The following CDS2 variants were observed in gnomAD, a reference collection of about 807,000 sequenced individuals.
CDS2 encodes CDP-diacylglycerol synthase 2, also known as phosphatidate cytidylyltransferase 2.
CDS2 carries 47 observed loss-of-function variants against 59.0 expected under a neutral mutation model. The observed-to-expected ratio is 0.80, with a 90% CI of 0.63 to 1.02. The LOEUF is 1.02. CDS2 is among the 50% of genes least tolerant of loss of function. The pLI, the probability that CDS2 is intolerant of heterozygous loss-of-function variation, is 0.00. For missense variants in CDS2, 356 were observed against 558.9 expected (o/e 0.64, Z 3.66); for synonymous variants, 207 against 206.4 (o/e 1.00, Z -0.02).
At chr20:5,147,906 G>A (rs575402557) in intron 1 of CDS2, among the ~76,000 whole-genome samples, 1 of 152,116 alleles carries the variant, frequency 6.6e-6, no homozygotes, top group Non-Finnish European at 1.5e-5. Flanking sequence ...CTCATTGTCT[G>A]ATTTGTGTCT....
At chr20:5,183,208 C>G in intron 7 of CDS2, 65 bp downstream of exon 7, 5 of 1,380,200 alleles carry the variant, frequency 3.6e-6, no homozygotes, top group Non-Finnish European at 5.1e-6. Context: ...AGATACCCCC[C>G]TCTAAGCCAG....
chr20:5,186,934 T>G, intron 10 of CDS2, 95 bp downstream of exon 10: 1 of 1,376,268 alleles, frequency 7.3e-7, no homozygotes, highest in Non-Finnish European at 1.0e-6. Context: ...AAAGCTAGCT[T>G]CCTCCTTCCC....
chr20:5,188,055 C>CGTGTGTGTGT lies in CDS2; in HGVS notation c.982-995_982-986dup, dbSNP rs71332879. Among the ~76,000 whole-genome samples the CGTGTGTGTGT allele has an allele frequency of 4.2e-3, 629 of 148,894 alleles. 3 individuals carry two copies. The highest frequency in any genetic ancestry group is 0.015 in the African/African-American group (603 of 40,522). ...GAGGTCTGTGATGATTCTTAACGTA[C>CGTGTGTGTGT]GTGTGTGTGTGTGTGTGTGTGTGTG... On this transcript the variant is annotated intron_variant, in intron 10 of 12. Coordinates refer to ENST00000460006, the MANE Select transcript of CDS2 (RefSeq NM_003818.4).
At chr20:5,187,125 A>C in intron 10 of CDS2, 1 of 362,580 alleles carries the variant, frequency 2.8e-6, no homozygotes, top group South Asian at 3.7e-5. Flanking sequence ...CTGTGAGGTC[A>C]CAACTGTTTC....
chr20:5,178,614 T>C (rs1310650099), intron 4 of CDS2, among the ~76,000 whole-genome samples: 2 of 152,110 alleles, frequency 1.3e-5, no homozygotes, highest in Non-Finnish European at 2.9e-5. Flanking sequence ...TGAAAGCTGC[T>C]GTCTGTTTCT....
rs149512070 is a variant in CDS2, at chr20:5,136,438, G to A, written c.57+9289G>A. On this transcript the variant is annotated intron_variant, in intron 1 of 12. Transcript: ENST00000460006. Reference sequence around the variant, plus strand: ...CTTATCTGTTTGTTGTTTGTTGTCTGTTTGTTGCTCTTGGAGACTTCAACA... The same window carrying A: ...CTTATCTGTTTGTTGTTTGTTGTCTATTTGTTGCTCTTGGAGACTTCAACA... Among the ~76,000 whole-genome samples the A allele has an allele frequency of 2.6e-5, 4 of 152,304 alleles. No individual in the cohort carries two copies. The East Asian group carries it at 7.7e-4, about 29-fold the overall frequency.
At chr20:5,137,480 T>A (rs1209613349) in intron 1 of CDS2, among the ~76,000 whole-genome samples, 5 of 150,790 alleles carry the variant, frequency 3.3e-5, no homozygotes, top group African/African-American at 1.2e-4. Flanking sequence ...TGACCTCAAG[T>A]GATCTGCCCG....
Position 5,184,988 on chromosome 20 carries a change from G to A in CDS2, c.759+43G>A. 3.6e-6 allele frequency: 5 copies of A among 1,392,636 alleles called. No homozygotes were observed. Among genetic ancestry groups the A allele is most frequent in the Non-Finnish European group, 4.1e-6 (4 of 978,162 alleles). 86.3% of individuals were successfully genotyped at this position (1,392,636 alleles called of 1,614,324 possible). ...ATGTGAAATACCACTGTGAGGGGAG[G>A]GTGGTGCTCTCAATGTGAGTAGATC... On this transcript the variant is annotated intron_variant, in intron 8 of 12. Transcript: ENST00000460006. The surrounding 1 kb of genome is among the most constrained non-coding windows in gnomAD (Gnocchi z 4.3).
chr20:5,183,572 T>C (rs1321544128), intron 7 of CDS2, among the ~76,000 whole-genome samples: 1 of 152,168 alleles, frequency 6.6e-6, no homozygotes, highest in Non-Finnish European at 1.5e-5. Context: ...CTTTGAAAAT[T>C]ATGTAAGATT....
intron 1 of CDS2, among the ~76,000 whole-genome samples, chr20:5,170,001 T>A (rs2123033168): frequency 6.6e-6 from 1 of 152,274 alleles, no homozygotes; most frequent in South Asian, 2.1e-4. Flanking sequence ...GTGGTCAGGC[T>A]ACTCAGGGGA....
intron 5 of CDS2, 104 bp downstream of exon 5, chr20:5,179,060 T>A: frequency 9.5e-7 from 1 of 1,047,886 alleles, no homozygotes; most frequent in Non-Finnish European, 1.5e-6. Context: ...TTTGTGACAT[T>A]AACTGTGACC....
chr20:5,185,065 A>ATGTCTTCC (rs1406198588), intron 8 of CDS2, 120 bp downstream of exon 8: 1 of 738,830 alleles, frequency 1.4e-6, no homozygotes, highest in Non-Finnish European at 2.4e-6. Flanking sequence ...CCATGTCTTC[A>ATGTCTTCC]TGTCTTCCTG....
intron 1 of CDS2, among the ~76,000 whole-genome samples, chr20:5,139,743 A>G (rs543705002): frequency 6.1e-4 from 91 of 149,476 alleles, no homozygotes; most frequent in African/African-American, 1.7e-3. Context: ...TACTTAATTT[A>G]TTGAGAGTTT....
At chr20:5,132,341 A>G (rs976927655) in intron 1 of CDS2, among the ~76,000 whole-genome samples, 2 of 152,026 alleles carry the variant, frequency 1.3e-5, no homozygotes, top group South Asian at 2.1e-4. Context: ...CAGGTGATCC[A>G]CCCGCCTTGG....
intron 1 of CDS2, among the ~76,000 whole-genome samples, chr20:5,135,224 G>A (rs1343282149): frequency 6.6e-6 from 1 of 152,158 alleles, no homozygotes; most frequent in Non-Finnish European, 1.5e-5. Context: ...CACCGTGCCC[G>A]GCCATTGTAA....
intron 1 of CDS2, among the ~76,000 whole-genome samples, chr20:5,164,120 T>A (rs183384787): frequency 3.6e-4 from 55 of 152,124 alleles, no homozygotes; most frequent in African/African-American, 1.3e-3. Context: ...ATATGACACA[T>A]TTGGGATTGA....
chr20:5,168,431 A>G (rs1352768115), intron 1 of CDS2, among the ~76,000 whole-genome samples: 1 of 124,742 alleles, frequency 8.0e-6, no homozygotes, highest in Non-Finnish European at 1.8e-5. Context: ...AAAAAAAAAA[A>G]AAGAAAAGAA....
At chr20:5,190,001 G>A in intron 12 of CDS2, 101 bp from the exon 13 acceptor site, 1 of 1,496,506 alleles carries the variant, frequency 6.7e-7, no homozygotes, top group Non-Finnish European at 9.1e-7. Context: ...TCTGTTAATA[G>A]ATAACTCTCT....
At chr20:5,169,479 A>T (rs2090939101) in intron 1 of CDS2, among the ~76,000 whole-genome samples, 1 of 152,196 alleles carries the variant, frequency 6.6e-6, no homozygotes, top group Non-Finnish European at 1.5e-5. Context: ...AAGTAGAATT[A>T]ATTAGCTCAT....
Sources: allele counts gnomAD v4.1 joint callset (sites outside exome capture counted in the v4.1 genomes callset), GRCh38; gene constraint gnomAD v4.1.1; non-coding constraint Gnocchi (gnomAD v3.1); transcripts MANE v1.5; gene names NCBI Gene and HGNC (gene_info 2026-07-23, HGNC 2026-07-21).